AP3S1: variants seen among roughly 807,000 people sequenced by gnomAD.
AP3S1 encodes adaptor related protein complex 3 subunit sigma 1.
AP3S1 carries 12 observed loss-of-function variants against 21.3 expected under a neutral mutation model. That is an observed-to-expected ratio of 0.56 (90% confidence interval 0.36 to 0.91). The LOEUF is 0.91. AP3S1 is among the 40% of genes least tolerant of loss of function. The probability of loss-of-function intolerance (pLI) is 0.01; values close to 1 mark genes in which losing one functional copy is unlikely to be tolerated. For missense variants in AP3S1, 116 were observed against 225.0 expected (o/e 0.52, Z 3.10); for synonymous variants, 48 against 78.4 (o/e 0.61, Z 2.05).
chr5:115,859,996 A>G (rs1763060611), intron 1 of AP3S1, among the ~76,000 whole-genome samples: 1 of 152,216 alleles, frequency 6.6e-6, no homozygotes, highest in Admixed American at 6.5e-5. Context: ...TTCTGTAGGT[A>G]AGAAGTCAGA....
intron 3 of AP3S1, among the ~76,000 whole-genome samples, chr5:115,890,652 G>T (rs1053883902): frequency 6.6e-6 from 1 of 152,108 alleles, no homozygotes; most frequent in Non-Finnish European, 1.5e-5. Flanking sequence ...TACTTAGGTG[G>T]GGGTGGAACT....
chr5:115,845,366 T>G (rs1761979229), intron 1 of AP3S1, among the ~76,000 whole-genome samples: 1 of 152,216 alleles, frequency 6.6e-6, no homozygotes, highest in Non-Finnish European at 1.5e-5. Flanking sequence ...CCCTCAAATA[T>G]AACAACTTAC....
At chr5:115,884,503 G>T (rs1240281421) in intron 3 of AP3S1, among the ~76,000 whole-genome samples, 1 of 152,180 alleles carries the variant, frequency 6.6e-6, no homozygotes, top group East Asian at 1.9e-4. Context: ...GCGGGGAGGG[G>T]AGTGGAGGTT....
At chr5:115,913,333 C>T in intron 5 of AP3S1, 29 bp from the exon 6 acceptor site, 1 of 1,103,388 alleles carries the variant, frequency 9.1e-7, no homozygotes, top group Admixed American at 3.6e-5. Flanking sequence ...TGTACATTTT[C>T]TTTTTCTTTT....
intron 3 of AP3S1, among the ~76,000 whole-genome samples, chr5:115,890,981 T>A (rs1750250303): frequency 6.6e-6 from 1 of 152,312 alleles, no homozygotes; most frequent in East Asian, 1.9e-4. Flanking sequence ...GTTAATTGCT[T>A]ACTCTGTGTT....
chr5:115,906,445 G>A (rs3733902), intron 5 of AP3S1, among the ~76,000 whole-genome samples: 60,889 of 151,870 alleles, frequency 0.4, 12,585 homozygotes, highest in African/African-American at 0.49. Context: ...CTAGACAGGT[G>A]GAAGCAAAGC....
At chr5:115,854,679 CTT>C (rs3984983) in intron 1 of AP3S1, among the ~76,000 whole-genome samples, 32 of 143,910 alleles carry the variant, frequency 2.2e-4, no homozygotes, top group Admixed American at 2.8e-4. Flanking sequence ...TCAGATATCT[CTT>C]TTTTTTTTTT....
At chr5:115,894,146 T>G (rs1750550626) in intron 3 of AP3S1, among the ~76,000 whole-genome samples, 1 of 152,226 alleles carries the variant, frequency 6.6e-6, no homozygotes, top group South Asian at 2.1e-4. Flanking sequence ...GGATGAAGTC[T>G]GGAAGACTCC....
intron 5 of AP3S1, 100 bp from the exon 6 acceptor site, chr5:115,913,262 T>C (rs1168977303): frequency 3.8e-6 from 5 of 1,304,232 alleles, no homozygotes; most frequent in East Asian, 4.8e-5. Flanking sequence ...AAGCTTGTTA[T>C]ATGAAAATCT....
intron 4 of AP3S1, among the ~76,000 whole-genome samples, chr5:115,899,516 G>C (rs1042924109): frequency 3.3e-5 from 5 of 152,146 alleles, no homozygotes; most frequent in African/African-American, 1.2e-4. Context: ...TTGAACTCCT[G>C]ACCTCAAGTG....
chr5:115,874,394 G>T (rs1165778406), intron 3 of AP3S1, among the ~76,000 whole-genome samples: 1 of 152,022 alleles, frequency 6.6e-6, no homozygotes, highest in African/African-American at 2.4e-5. Flanking sequence ...TTATTTATAA[G>T]CAGTTGTATT....
chr5:115,866,756 A>G lies in AP3S1; in HGVS notation c.156A>G (p.Gly52=). Reference sequence around the variant, plus strand: ...AAAATGTTTGTAATTTCCTAGAAGGAGGATTGTAAGTAAAGCATTTCATAG... The same window carrying G: ...AAAATGTTTGTAATTTCCTAGAAGGGGGATTGTAAGTAAAGCATTTCATAG... The part of the protein sequence containing the change: ...RDENVCNFLE[G]GLLIGGSDNK... Residue 52 remains glycine, a synonymous_variant, in exon 2 of 6, where the codon GGA becomes GGG. Transcript: ENST00000316788. The G allele has an allele frequency of 1.3e-6, 2 of 1,586,748 alleles. No individual in the cohort carries two copies. The highest frequency in any genetic ancestry group is 1.7e-5 in the Admixed American group (1 of 59,034).
At chr5:115,907,075 G>GA (rs1751713039) in intron 5 of AP3S1, 1 of 870,008 alleles carries the variant, frequency 1.1e-6, no homozygotes, top group African/African-American at 1.8e-5. Context: ...TGTCATGTTT[G>GA]TTCTGTTTTG....
chr5:115,869,986 C>G (rs367995186), intron 2 of AP3S1, 31 bp from the exon 3 acceptor site: 1 of 1,368,996 alleles, frequency 7.3e-7, no homozygotes, highest in Non-Finnish European at 1.0e-6. Context: ...CATTTTGTTT[C>G]CAATAACATT....
rs115238980 is a variant in AP3S1, at chr5:115,877,478, T to G, written c.273+7350T>G. ...TTGGTTTTCTGTTCCCGTGTTCGTT[T>G]GCTGAGAGTGATGGTTTCCAGCTTC... On this transcript the variant is annotated intron_variant, in intron 3 of 5. Transcript: ENST00000316788. 1.4e-3 allele frequency among the ~76,000 whole-genome samples: 208 copies of G among 152,334 alleles called. 1 individual carries two copies. Among genetic ancestry groups the G allele is most frequent in the Middle Eastern group, 3.4e-3 (1 of 294 alleles).
At chr5:115,868,926 G>A (rs1016340116) in intron 2 of AP3S1, among the ~76,000 whole-genome samples, 10 of 67,098 alleles carry the variant, frequency 1.5e-4, no homozygotes, top group African/African-American at 5.9e-4. Context: ...AGGATGAAGG[G>A]AGGGAGGGAG....
At chr5:115,862,289 G>A (rs1240816587) in intron 1 of AP3S1, among the ~76,000 whole-genome samples, 1 of 151,550 alleles carries the variant, frequency 6.6e-6, no homozygotes, top group Non-Finnish European at 1.5e-5. Flanking sequence ...TTGACAAATT[G>A]AAAAAACTTG....
chr5:115,870,867 G>A (rs973930503), intron 3 of AP3S1, among the ~76,000 whole-genome samples: 15 of 152,194 alleles, frequency 9.9e-5, no homozygotes, highest in African/African-American at 3.6e-4. Flanking sequence ...CTGGCAGAAG[G>A]CAGGAGATTT....
In AP3S1 at chr5:115,867,704, G is replaced by A. The variant is rs182847362; in HGVS notation, c.161+943G>A. On this transcript the variant is annotated intron_variant, in intron 2 of 5. Transcript: ENST00000316788. Reference sequence around the variant, plus strand: ...TTTAATAATTGAGACAAGTGTACCTGCTTCTGTTTTTGAATTTTACTTGTA... The same window carrying A: ...TTTAATAATTGAGACAAGTGTACCTACTTCTGTTTTTGAATTTTACTTGTA... Among the ~76,000 whole-genome samples the A allele has an allele frequency of 3.6e-3, 543 of 152,232 alleles. 1 individual carries two copies. Among genetic ancestry groups the A allele is most frequent in the African/African-American group, 0.013 (523 of 41,538 alleles).
Sources: gnomAD v4.1 joint callset for allele counts (sites outside exome capture counted in the v4.1 genomes callset) on GRCh38, gnomAD v4.1.1 for gene constraint, MANE v1.5 for transcripts, NCBI Gene and HGNC (gene_info 2026-07-23, HGNC 2026-07-21) for gene names.